DLGAP5: variants seen among roughly 807,000 people sequenced by gnomAD.
The protein encoded by DLGAP5 is DLG associated protein 5, also known as disks large-associated protein 5.
A neutral mutation model predicts 99.6 loss-of-function variants in DLGAP5; 90 were observed. The observed-to-expected ratio is 0.90, with a 90% CI of 0.76 to 1.08. The LOEUF (loss-of-function observed/expected upper bound fraction) is 1.08, where lower values mean the gene tolerates loss of function less well. Ranked by LOEUF, DLGAP5 falls within the 50% of genes least tolerant of loss-of-function variation. DLGAP5 has a pLI of 0.00. For synonymous variants in DLGAP5, 311 were observed against 321.3 expected (o/e 0.97, Z 0.34); for missense variants, 1,036 against 983.5 (o/e 1.05, Z -0.71).
chr14:55,186,937 G>C (rs1352293132), intron 2 of DLGAP5, among the ~76,000 whole-genome samples: 1 of 152,128 alleles, frequency 6.6e-6, no homozygotes, highest in African/African-American at 2.4e-5. Context: ...TTGAGACGGA[G>C]TCTCACTTTG....
intron 18 of DLGAP5, chr14:55,148,816 G>A: frequency 8.7e-6 from 3 of 343,580 alleles, no homozygotes; most frequent in South Asian, 2.5e-5. Flanking sequence ...TTATTGGAAA[G>A]GTATATTCAG....
chr14:55,158,514 C>CAA lies in DLGAP5; in HGVS notation c.1873+6_1873+7dup. 1 of 1,608,580 alleles carries CAA rather than the reference C, an allele frequency of 6.2e-7. No homozygotes were observed. The highest frequency in any genetic ancestry group is 1.7e-5 in the Admixed American group (1 of 59,274). ...AACAAAAAAAATAAAAAATCAAAAA[C>CAA]AACTAACCTGAGAATAATTTAACAG... On this transcript the variant is annotated splice_region_variant and intron_variant, in intron 14 of 18. Coordinates refer to ENST00000247191, the MANE Select transcript of DLGAP5 (RefSeq NM_014750.5).
intron 12 of DLGAP5, among the ~76,000 whole-genome samples, chr14:55,165,575 C>T (rs1029487367): frequency 4.6e-5 from 7 of 152,052 alleles, no homozygotes; most frequent in African/African-American, 1.7e-4. Context: ...ATACCTCATA[C>T]CCACTAGGAT....
intron 14 of DLGAP5, among the ~76,000 whole-genome samples, chr14:55,157,168 T>A (rs1275144886): frequency 1.3e-5 from 2 of 152,238 alleles, no homozygotes; most frequent in Admixed American, 6.5e-5. Flanking sequence ...TCATATCAAC[T>A]ATGTGCTCTG....
intron 11 of DLGAP5, among the ~76,000 whole-genome samples, chr14:55,170,136 A>AAAT (rs150651214): frequency 0.012 from 1,888 of 151,532 alleles, 99 homozygotes; most frequent in Admixed American, 0.086. Context: ...ACTCATCTTA[A>AAAT]AATAATAATA....
chr14:55,153,540 CAAAAA>C (rs34557020), intron 15 of DLGAP5, among the ~76,000 whole-genome samples: 2,054 of 135,102 alleles, frequency 0.015, 56 homozygotes, highest in African/African-American at 0.051. Flanking sequence ...CACTCCGTCT[CAAAAA>C]AAAAAAAAAA....
At chr14:55,184,127 T>C (rs917604697) in intron 2 of DLGAP5, among the ~76,000 whole-genome samples, 5 of 151,084 alleles carry the variant, frequency 3.3e-5, no homozygotes, top group African/African-American at 1.2e-4. Context: ...CACTCCAGCC[T>C]AAGCAACAGA....
Position 55,148,186 on chromosome 14 carries a change from C to T in DLGAP5, c.*165G>A. The T allele has an allele frequency of 2.9e-6, 2 of 685,336 alleles. No homozygotes were observed. The highest frequency in any genetic ancestry group is 4.6e-6 in the Non-Finnish European group (2 of 432,258). 42.5% of individuals were successfully genotyped at this position (685,336 alleles called of 1,614,324 possible). On this transcript the variant is annotated 3_prime_UTR_variant, in exon 19 of 19. Coordinates refer to ENST00000247191, the MANE Select transcript of DLGAP5 (RefSeq NM_014750.5). The stretch of plus-strand genomic sequence containing the variant: ...AAAATGTACAAAATATCCCCACTTC[C>T]CTTGAGAAAGAGTATATCTAAAATA...
rs571905341 is a variant in DLGAP5 at position 55,156,640 on chromosome 14, T to C, written c.1874-1834A>G. Among the ~76,000 whole-genome samples the C allele has an allele frequency of 2.6e-5, 4 of 152,338 alleles. No homozygotes were observed. The East Asian group carries it at 7.7e-4, about 29-fold the overall frequency. ...TTCCAGTCAGCTTTTTAGTGCCCTA[T>C]TCTTAACCATGTGCAGGCAGTGAGA... On this transcript the variant is annotated intron_variant, in intron 14 of 18. Coordinates refer to ENST00000247191, the MANE Select transcript of DLGAP5 (RefSeq NM_014750.5).
intron 12 of DLGAP5, among the ~76,000 whole-genome samples, chr14:55,166,648 G>T (rs544298024): frequency 6.6e-6 from 1 of 151,906 alleles, no homozygotes; most frequent in Non-Finnish European, 1.5e-5. Context: ...AGAATCGCTT[G>T]AACTCAGGAG....
chr14:55,170,604 A>G, intron 11 of DLGAP5, 98 bp downstream of exon 11: 5 of 1,067,534 alleles, frequency 4.7e-6, no homozygotes, highest in Non-Finnish European at 7.0e-6. Context: ...AATGATAATG[A>G]AACAATAAAG....
intron 13 of DLGAP5, among the ~76,000 whole-genome samples, chr14:55,159,573 T>G (rs1882340405): frequency 6.6e-6 from 1 of 152,186 alleles, no homozygotes; most frequent in African/African-American, 2.4e-5. Flanking sequence ...TCAAAAGAGA[T>G]ATTGAGACTT....
chr14:55,188,498 T>C (rs1052744545), intron 2 of DLGAP5, among the ~76,000 whole-genome samples: 8 of 152,180 alleles, frequency 5.3e-5, no homozygotes, highest in African/African-American at 1.9e-4. Flanking sequence ...TGTCAACACT[T>C]ATCCTACCCA....
At chr14:55,165,938 T>A (rs1337194962) in intron 12 of DLGAP5, among the ~76,000 whole-genome samples, 1 of 152,194 alleles carries the variant, frequency 6.6e-6, no homozygotes, top group Non-Finnish European at 1.5e-5. Context: ...AACAGAACAC[T>A]CATACATTGT....
At position 55,148,246 on chromosome 14, in the gene DLGAP5, T is replaced by A; in HGVS notation, c.*105A>T. 1 of 1,119,498 alleles carries A rather than the reference T, an allele frequency of 8.9e-7. No individual in the cohort carries two copies. The highest frequency in any genetic ancestry group is 1.6e-5 in the South Asian group (1 of 63,516). 69.3% of individuals were successfully genotyped at this position (1,119,498 alleles called of 1,614,324 possible). ...GAACACAGAATATTAAAACATTATA[T>A]GCTATAGAAGTGAACACAAATACAT... On this transcript the variant is annotated 3_prime_UTR_variant, in exon 19 of 19. Coordinates refer to ENST00000247191, the MANE Select transcript of DLGAP5 (RefSeq NM_014750.5).
chr14:55,174,495 T>C (rs1371764530), intron 10 of DLGAP5, among the ~76,000 whole-genome samples: 1 of 152,172 alleles, frequency 6.6e-6, no homozygotes, highest in African/African-American at 2.4e-5. Context: ...TGAAAATCCC[T>C]AATAAAAACT....
At chr14:55,180,368 T>A (rs947472591) in intron 6 of DLGAP5, among the ~76,000 whole-genome samples, 1 of 152,202 alleles carries the variant, frequency 6.6e-6, no homozygotes, top group Non-Finnish European at 1.5e-5. Context: ...TTTAATAATA[T>A]TATTCTTAAT....
In DLGAP5 at chr14:55,153,750, T is replaced by C. The variant is rs146032785; in HGVS notation, c.2063+867A>G. On this transcript the variant is annotated intron_variant, in intron 15 of 18. Coordinates refer to ENST00000247191, the MANE Select transcript of DLGAP5 (RefSeq NM_014750.5). ...AATTATGAATCTTCTTAGCAAACAATAGTAAACTACAAGATATACAAAGTA... is the reference window on the plus strand; with the variant it reads ...AATTATGAATCTTCTTAGCAAACAACAGTAAACTACAAGATATACAAAGTA... Among the ~76,000 whole-genome samples the C allele has an allele frequency of 5.7e-4, 87 of 151,966 alleles. 2 individuals are homozygous for C. In the East Asian group the frequency reaches 0.015, roughly 26 times the overall value.
chr14:55,181,112 CACAA>C (rs550352398), intron 5 of DLGAP5, 97 bp downstream of exon 5: 4 of 1,164,732 alleles, frequency 3.4e-6, no homozygotes, highest in African/African-American at 1.5e-5. Context: ...AAGACTCTGT[CACAA>C]ACAAACGAAC....
Sources: gnomAD v4.1 joint callset for allele counts (sites outside exome capture counted in the v4.1 genomes callset) on GRCh38, gnomAD v4.1.1 for gene constraint, MANE v1.5 for transcripts, NCBI Gene and HGNC (gene_info 2026-07-23, HGNC 2026-07-21) for gene names.